SUPT3H: variants seen among roughly 807,000 people sequenced by gnomAD.
The protein encoded by SUPT3H is SPT3 homolog, SAGA and STAGA complex component.
Under a neutral mutation model 44.3 loss-of-function variants are expected in SUPT3H, and 44 were observed. The ratio of observed to expected loss-of-function variants is 0.99; its 90% CI spans 0.78 to 1.28. The LOEUF (loss-of-function observed/expected upper bound fraction) is 1.28. Ranked by LOEUF, SUPT3H falls within the 50% of genes most tolerant of loss-of-function variation. SUPT3H has a pLI of 0.00. For synonymous variants in SUPT3H, 124 were observed against 125.6 expected (o/e 0.99, Z 0.09); for missense variants, 380 against 387.1 (o/e 0.98, Z 0.15).
intron 2 of SUPT3H, among the ~76,000 whole-genome samples, chr6:45,112,887 G>C (rs1800276755): frequency 6.6e-6 from 1 of 151,854 alleles, no homozygotes; most frequent in Admixed American, 6.6e-5. Flanking sequence ...CTTCCCACTG[G>C]CTACAGACTC....
Position 45,028,692 on chromosome 6 carries a change from T to C in SUPT3H, c.187-8060A>G, listed in dbSNP as rs144927147. On this transcript the variant is annotated intron_variant, in intron 3 of 10. Coordinates refer to ENST00000371459, the MANE Select transcript of SUPT3H (RefSeq NM_003599.4). ...TCATTTAACCTTCACAGCAAACTTA[T>C]GAGAGATGTCCAAACACACAAAACT... is the stretch of plus-strand genomic sequence containing the variant. Among the ~76,000 whole-genome samples the C allele has an allele frequency of 4.6e-5, 7 of 152,108 alleles. 1 individual carries two copies. In the East Asian group the frequency reaches 9.7e-4, roughly 21 times the overall value.
intron 2 of SUPT3H, among the ~76,000 whole-genome samples, chr6:45,114,711 T>G (rs1287885518): frequency 6.6e-6 from 1 of 152,174 alleles, no homozygotes; most frequent in Non-Finnish European, 1.5e-5. Flanking sequence ...TATTCCCATC[T>G]TCAAACTCTT....
intron 2 of SUPT3H, among the ~76,000 whole-genome samples, chr6:45,265,419 T>C (rs1347971089): frequency 6.6e-5 from 10 of 152,130 alleles, no homozygotes; most frequent in African/African-American, 2.4e-5. Context: ...CTAATTGTTT[T>C]GGCTAATGAT....
intron 5 of SUPT3H, among the ~76,000 whole-genome samples, chr6:45,007,396 T>G (rs1380778608): frequency 6.6e-6 from 1 of 152,106 alleles, no homozygotes; most frequent in Admixed American, 6.6e-5. Context: ...ATATGCATCT[T>G]AACTCCTCCG....
chr6:44,854,140 T>C lies in SUPT3H; in HGVS notation c.913-24283A>G, dbSNP rs1223320235. 2.0e-5 allele frequency among the ~76,000 whole-genome samples: 3 copies of C among 152,258 alleles called. No individual in the cohort carries two copies. In the East Asian group the frequency reaches 5.8e-4, roughly 29 times the overall value. ...TTTAAACAGATGAAAAGTTAATCCATGCTTGGGGCCTGAAAATGCACATAG... is the reference window on the plus strand; with the variant it reads ...TTTAAACAGATGAAAAGTTAATCCACGCTTGGGGCCTGAAAATGCACATAG... On this transcript the variant is annotated intron_variant, in intron 10 of 10. Transcript: ENST00000371459.
At chr6:45,373,681 C>T (rs545891749) in intron 1 of SUPT3H, among the ~76,000 whole-genome samples, 1 of 152,078 alleles carries the variant, frequency 6.6e-6, no homozygotes, top group East Asian at 1.9e-4. Flanking sequence ...CTCCTGAGTA[C>T]CTGGGACTAC....
Position 45,253,338 on chromosome 6 carries a change from A to G in SUPT3H, c.101+111863T>C, listed in dbSNP as rs564743790. On this transcript the variant is annotated intron_variant, in intron 2 of 10. Transcript: ENST00000371459. Reference sequence around the variant, plus strand: ...GCAGAGAGCTAGGCATCAAAAACCTATTTTTGTAGACAACAATGATCTGAT... The same window carrying G: ...GCAGAGAGCTAGGCATCAAAAACCTGTTTTTGTAGACAACAATGATCTGAT... Among the ~76,000 whole-genome samples the G allele has an allele frequency of 3.9e-5, 6 of 152,314 alleles. No individual in the cohort carries two copies. The South Asian group carries it at 6.2e-4, about 16-fold the overall frequency.
At chr6:44,832,957 T>A (rs1379200332) in intron 10 of SUPT3H, among the ~76,000 whole-genome samples, 1 of 152,142 alleles carries the variant, frequency 6.6e-6, no homozygotes, top group Non-Finnish European at 1.5e-5. Flanking sequence ...TTGATACATC[T>A]TAGGGGATAC....
chr6:44,826,163 T>C (rs1298564995), downstream of SUPT3H, among the ~76,000 whole-genome samples: 1 of 152,246 alleles, frequency 6.6e-6, no homozygotes, highest in Non-Finnish European at 1.5e-5. Context: ...ATCTGGCCCT[T>C]ATTTAACCAT....
At chr6:44,988,760 T>A (rs1325993742) in intron 6 of SUPT3H, among the ~76,000 whole-genome samples, 2 of 152,114 alleles carry the variant, frequency 1.3e-5, no homozygotes, top group African/African-American at 2.4e-5. Flanking sequence ...TATTGCCACA[T>A]GTATTTCCAG....
At position 44,932,851 on chromosome 6, in the gene SUPT3H, A is replaced by G. The variant is rs895440959; in HGVS notation, c.802-88T>C. 2.6e-5 allele frequency: 21 copies of G among 806,790 alleles called. No individual in the cohort carries two copies. The African/African-American group carries it at 3.8e-4, about 15-fold the overall frequency. 50.0% of individuals were successfully genotyped at this position (806,790 alleles called of 1,614,324 possible). On this transcript the variant is annotated intron_variant, in intron 9 of 10. Transcript: ENST00000371459. ...TAAATATGAAAATAAACCTTTACAA[A>G]AGAGACCGGTTTTTCCCTTAGGATG...
intron 10 of SUPT3H, among the ~76,000 whole-genome samples, chr6:44,866,081 A>C (rs1236249186): frequency 2.0e-5 from 3 of 151,154 alleles, no homozygotes; most frequent in Admixed American, 6.6e-5. Context: ...GTGAGGAAGA[A>C]AATAATTTAG....
intron 2 of SUPT3H, among the ~76,000 whole-genome samples, chr6:45,277,903 C>T (rs895107625): frequency 3.3e-5 from 5 of 152,022 alleles, no homozygotes; most frequent in African/African-American, 1.2e-4. Context: ...TAATGATTTC[C>T]TCAAAGCACT....
At chr6:45,315,946 T>C (rs987159639) in intron 2 of SUPT3H, among the ~76,000 whole-genome samples, 1 of 151,690 alleles carries the variant, frequency 6.6e-6, no homozygotes, top group Non-Finnish European at 1.5e-5. Flanking sequence ...GATAGATAGA[T>C]AGATAGATAG....
chr6:45,018,556 AG>A (rs1209062338), intron 4 of SUPT3H, among the ~76,000 whole-genome samples: 1 of 152,120 alleles, frequency 6.6e-6, no homozygotes, highest in Non-Finnish European at 1.5e-5. Context: ...TTTAGCATGA[AG>A]GGTTGTTGAA....
At chr6:45,028,155 T>C (rs1786323583) in intron 3 of SUPT3H, among the ~76,000 whole-genome samples, 1 of 152,262 alleles carries the variant, frequency 6.6e-6, no homozygotes, top group East Asian at 1.9e-4. Context: ...GAAATGTCTA[T>C]TAAATGAATG....
At chr6:45,225,912 A>G (rs1766854680) in intron 2 of SUPT3H, among the ~76,000 whole-genome samples, 2 of 152,176 alleles carry the variant, frequency 1.3e-5, no homozygotes, top group Admixed American at 6.5e-5. Flanking sequence ...CCTACTCTAC[A>G]TAACAAGCAA....
intron 2 of SUPT3H, among the ~76,000 whole-genome samples, chr6:45,273,260 G>A (rs915159515): frequency 1.3e-5 from 2 of 152,122 alleles, no homozygotes; most frequent in African/African-American, 4.8e-5. Context: ...GAAAATTGAT[G>A]TGGATGGTCC....
At chr6:45,031,971 A>G (rs567399412) in intron 3 of SUPT3H, among the ~76,000 whole-genome samples, 1 of 152,318 alleles carries the variant, frequency 6.6e-6, no homozygotes, top group Admixed American at 6.5e-5. Flanking sequence ...TATTCTATTC[A>G]ATAGTTCCAG....
Sources: gnomAD v4.1 joint callset for allele counts (sites outside exome capture counted in the v4.1 genomes callset) on GRCh38, gnomAD v4.1.1 for gene constraint, MANE v1.5 for transcripts, NCBI Gene and HGNC (gene_info 2026-07-23, HGNC 2026-07-21) for gene names.